NALCN: variants seen among roughly 807,000 people sequenced by gnomAD.
NALCN encodes sodium leak channel, non-selective, also known as sodium leak channel NALCN.
A neutral mutation model predicts 225.3 loss-of-function variants in NALCN; 111 were observed. The observed-to-expected ratio is 0.49, with a 90% CI of 0.42 to 0.58. NALCN has a LOEUF of 0.58. NALCN is among the 20% of genes least tolerant of loss of function. The probability of loss-of-function intolerance (pLI) is 0.00; values close to 1 mark genes in which losing one functional copy is unlikely to be tolerated. For synonymous variants in NALCN, 764 were observed against 769.0 expected (o/e 0.99, Z 0.11); for missense variants, 1,378 against 2,202.4 (o/e 0.63, Z 7.49).
At chr13:101,072,585 T>C (rs1014176160) in intron 37 of NALCN, among the ~76,000 whole-genome samples, 1 of 152,174 alleles carries the variant, frequency 6.6e-6, no homozygotes, top group Non-Finnish European at 1.5e-5. Flanking sequence ...TTGTATTCTA[T>C]TTGATTTGGC....
intron 15 of NALCN, among the ~76,000 whole-genome samples, chr13:101,168,293 T>G (rs1248122490): frequency 2.6e-5 from 4 of 152,192 alleles, no homozygotes; most frequent in East Asian, 3.9e-4. Flanking sequence ...TCTTTTTCAG[T>G]ATCTATTTCA....
At chr13:101,352,168 T>C (rs1424747010) in intron 6 of NALCN, among the ~76,000 whole-genome samples, 1 of 152,146 alleles carries the variant, frequency 6.6e-6, no homozygotes, top group Non-Finnish European at 1.5e-5. Context: ...CTCAGGGACT[T>C]TACTGCTTAG....
intron 14 of NALCN, among the ~76,000 whole-genome samples, chr13:101,188,029 T>A (rs2139991003): frequency 6.6e-6 from 1 of 152,286 alleles, no homozygotes; most frequent in East Asian, 1.9e-4. Flanking sequence ...ACCTAAGATC[T>A]AAGCATTCTA....
At chr13:101,365,815 G>A (rs953569957) in intron 6 of NALCN, among the ~76,000 whole-genome samples, 13 of 152,102 alleles carry the variant, frequency 8.5e-5, no homozygotes, top group African/African-American at 3.1e-4. Flanking sequence ...TAGTGGTCCA[G>A]CCATCGCGAA....
intron 9 of NALCN, 110 bp from the exon 10 acceptor site, chr13:101,284,129 G>T: frequency 1.2e-6 from 1 of 832,586 alleles, no homozygotes; most frequent in Non-Finnish European, 1.8e-6. Flanking sequence ...GTCTTCTTAT[G>T]GATTTATATT....
chr13:101,363,585 A>C lies in NALCN; in HGVS notation c.644+13115T>G, dbSNP rs2046306363. On this transcript the variant is annotated intron_variant, in intron 6 of 43. Transcript: ENST00000251127. The stretch of plus-strand genomic sequence containing the variant: ...TCTCATCATATAAAAATCAAATAAT[A>C]AAGGATTAAAGACTTAAATCTAAGA... Among the ~76,000 whole-genome samples the C allele has an allele frequency of 2.0e-5, 3 of 152,288 alleles. No homozygotes were observed. In the South Asian group the frequency reaches 6.2e-4, roughly 32 times the overall value.
intron 13 of NALCN, among the ~76,000 whole-genome samples, chr13:101,206,157 A>G (rs548504672): frequency 2.6e-5 from 4 of 152,114 alleles, no homozygotes; most frequent in South Asian, 4.1e-4. Context: ...CTTAATTTTT[A>G]AAAGTTTTAA....
At chr13:101,112,634 A>T (rs1269343327) in intron 18 of NALCN, among the ~76,000 whole-genome samples, 1 of 152,256 alleles carries the variant, frequency 6.6e-6, no homozygotes, top group Non-Finnish European at 1.5e-5. Context: ...TCACAGGTTG[A>T]AAATGCAATG....
intron 15 of NALCN, among the ~76,000 whole-genome samples, chr13:101,167,511 C>T (rs1179988047): frequency 1.3e-5 from 2 of 151,974 alleles, no homozygotes; most frequent in Non-Finnish European, 2.9e-5. Flanking sequence ...GCATACTGAG[C>T]GTGTATCTGT....
At chr13:101,202,770 C>G (rs1566425365) in intron 13 of NALCN, among the ~76,000 whole-genome samples, 1 of 152,198 alleles carries the variant, frequency 6.6e-6, no homozygotes, top group Non-Finnish European at 1.5e-5. Context: ...CAAAGCTGCT[C>G]CCCCTGGTGT....
At chr13:101,080,680 A>G (rs1351276592) in intron 34 of NALCN, among the ~76,000 whole-genome samples, 1 of 146,878 alleles carries the variant, frequency 6.8e-6, no homozygotes. Flanking sequence ...TAATAAAAAT[A>G]TATACATACA....
At chr13:101,381,200 A>G (rs1435843575) in intron 3 of NALCN, among the ~76,000 whole-genome samples, 1 of 152,178 alleles carries the variant, frequency 6.6e-6, no homozygotes, top group African/African-American at 2.4e-5. Flanking sequence ...TGGCCTTATT[A>G]AATTGTGTGA....
At chr13:101,294,810 T>C (rs769656512) in intron 7 of NALCN, among the ~76,000 whole-genome samples, 5 of 152,154 alleles carry the variant, frequency 3.3e-5, no homozygotes, top group Non-Finnish European at 5.9e-5. Flanking sequence ...ATTTACAATA[T>C]TGTGTGCATC....
chr13:101,395,326 C>T lies in NALCN; in HGVS notation c.148G>A (p.Val50Ile), dbSNP rs765386270. Residue 50 changes from valine (V) to isoleucine (I), a missense_variant, in exon 3 of 44, where the codon GTC becomes ATC. Physicochemically the swap from Val to Ile is conservative, Grantham distance 29. Around this residue, in one of 19 missense-constraint regions of NALCN, gnomAD observed 146 missense variants for 205.9 expected, o/e 0.71. Coordinates refer to ENST00000251127, the MANE Select transcript of NALCN (RefSeq NM_052867.4). The stretch of plus-strand genomic sequence containing the variant: ...GGCGTATTCATACAAACAGAAATGA[C>T]GCTGATGATGGCACAGATGCGCAGC... ...SLLRICAIIS[V>I]ISVCMNTPMT... 1.9e-6 allele frequency: 3 copies of T among 1,613,916 alleles called. No individual in the cohort carries two copies. Among genetic ancestry groups the T allele is most frequent in the South Asian group, 1.1e-5 (1 of 91,062 alleles).
intron 13 of NALCN, among the ~76,000 whole-genome samples, chr13:101,220,060 G>A (rs1278035901): frequency 2.6e-5 from 4 of 152,176 alleles, no homozygotes; most frequent in African/African-American, 9.7e-5. Flanking sequence ...CCTCCCATGT[G>A]CTTCCACACT....
chr13:101,205,240 C>T (rs529884407), intron 13 of NALCN, among the ~76,000 whole-genome samples: 1 of 152,130 alleles, frequency 6.6e-6, no homozygotes, highest in African/African-American at 2.4e-5. Flanking sequence ...CCATATAATG[C>T]TTGGCTGATT....
intron 3 of NALCN, among the ~76,000 whole-genome samples, chr13:101,387,521 A>G (rs955811115): frequency 2.6e-5 from 4 of 152,220 alleles, no homozygotes; most frequent in African/African-American, 4.8e-5. Context: ...TTATGTATGA[A>G]AAAATACAAG....
In NALCN at chr13:101,258,443, C is replaced by T. The variant is rs1204302061; in HGVS notation, c.1266G>A (p.Glu422=). 1 of 1,614,060 alleles carries T rather than the reference C, an allele frequency of 6.2e-7. No individual in the cohort carries two copies. The highest frequency in any genetic ancestry group is 1.7e-5 in the Admixed American group (1 of 60,020). Residue 422 remains glutamate, a splice_region_variant and synonymous_variant, in exon 11 of 44, where the codon GAG becomes GAA. Transcript: ENST00000251127. The part of the protein sequence containing the change: ...RRQYDEFYLA[E]VAFTVLFDLE... ...ATCTGCACGGTGGAGAGCTGCTTAC[C>T]TCCGCCAGGTAGAACTCGTCGTACT...
chr13:101,200,762 TAG>T lies in NALCN; in HGVS notation c.1627-8710_1627-8709del, dbSNP rs1247821992. On this transcript the variant is annotated intron_variant, in intron 13 of 43. Transcript: ENST00000251127. The stretch of plus-strand genomic sequence containing the variant: ...CCTAAATATCTCTAATAGACTTCCT[TAG>T]AGTTAGGTGAAGGCAAAGCAAGGGT... 3.3e-5 allele frequency among the ~76,000 whole-genome samples: 5 copies of T among 152,208 alleles called. No individual in the cohort carries two copies. In the East Asian group the frequency reaches 9.7e-4, roughly 29 times the overall value.
Sources: allele counts gnomAD v4.1 joint callset (sites outside exome capture counted in the v4.1 genomes callset), GRCh38; gene constraint gnomAD v4.1.1; regional missense constraint gnomAD v4.1.1; transcripts MANE v1.5; gene names NCBI Gene and HGNC (gene_info 2026-07-23, HGNC 2026-07-21).